WFS1: variants seen among roughly 807,000 people sequenced by gnomAD.
The protein encoded by WFS1 is wolframin ER transmembrane glycoprotein, also known as wolframin.
In WFS1, 90 loss-of-function variants were observed where a neutral mutation model predicts 68.5. The ratio of observed to expected loss-of-function variants is 1.31; its 90% CI spans 1.11 to 1.56. The LOEUF is 1.56. WFS1 is among the 40% of genes most tolerant of loss of function. The pLI is 0.00. For synonymous variants in WFS1, 860 were observed against 540.7 expected, an observed-to-expected ratio of 1.59 and a Z score of -8.19; for missense variants, 1,767 against 1,232.6, an observed-to-expected ratio of 1.43 and a Z score of -6.49.
chr4:6,295,070 G>T lies in WFS1; in HGVS notation c.742G>T (p.Val248Leu). The change falls in exon 7 of 8, where the codon GTG becomes TTG. Residue 248 changes from valine (V) to leucine (L), a missense_variant. Transcript: ENST00000226760. ...SKNYIALDDFVEITKKYAKGV... is the reference protein window; with the variant it reads ...SKNYIALDDFLEITKKYAKGV... ...GAACTACATCGCGCTGGATGACTTT[G>T]TGGAGATCACTAAGAAGTACGCCAA... The T allele has an allele frequency of 6.2e-7, 1 of 1,613,614 alleles. No individual in the cohort carries two copies. Among genetic ancestry groups the T allele is most frequent in the South Asian group, 1.1e-5 (1 of 91,086 alleles).
rs1730560733 is a variant in WFS1, at chr4:6,294,250, T to A, written c.713-791T>A. On this transcript the variant is annotated intron_variant, in intron 6 of 7. Transcript: ENST00000226760. ...CACCATCTCACCACGGCAACTGGGG[T>A]CCTTCAGGGGCCTCATTCCCTCCTA... Among the ~76,000 whole-genome samples, 3 of 151,690 alleles carry A rather than the reference T, an allele frequency of 2.0e-5. No homozygotes were observed. In the South Asian group the frequency reaches 6.2e-4, roughly 32 times the overall value.
At position 6,301,583 on chromosome 4, in the gene WFS1, G is replaced by C. The variant is rs774936836; in HGVS notation, c.1788G>C (p.Lys596Asn). 10 of 1,614,192 alleles carry C rather than the reference G, an allele frequency of 6.2e-6. No homozygotes were observed. In the East Asian group the frequency reaches 1.8e-4, roughly 29 times the overall value. The change falls in exon 8 of 8, where the codon AAG becomes AAC. Residue 596 changes from lysine (K) to asparagine (N), a missense_variant. Lys to Asn is a moderately conservative substitution (Grantham distance 94, BLOSUM62 0). Transcript: ENST00000226760. ...ARWFTSLELT[K>N]IAVTVAVCSV... is the part of the protein sequence containing the mutation. Reference sequence around the variant, plus strand: ...GGTTCACGTCTCTGGAGCTCACCAAGATCGCAGTCACCGTGGCGGTCTGTA... The same window carrying C: ...GGTTCACGTCTCTGGAGCTCACCAACATCGCAGTCACCGTGGCGGTCTGTA...
intron 2 of WFS1, among the ~76,000 whole-genome samples, chr4:6,280,887 T>C (rs1288393131): frequency 6.6e-6 from 1 of 151,508 alleles, no homozygotes; most frequent in South Asian, 2.1e-4. Flanking sequence ...TTCCGAGTCG[T>C]ACCCGCCACT....
Position 6,287,172 on chromosome 4 carries a change from T to G in WFS1, c.312T>G (p.Thr104=). Residue 104 remains threonine, a synonymous_variant, in exon 3 of 8, where the codon ACT becomes ACG. Transcript: ENST00000226760. The surrounding 1 kb of genome is among the most constrained non-coding windows in gnomAD (Gnocchi z 6.4). ...AGGCCGGGGACCCCAAGGCACAGAC[T>G]GAGGTGAGGACTGCGGTGCCGGCAG... ...RAKAGDPKAQ[T]EVGKHYLQLA... is the part of the protein sequence containing the mutation. 1 of 1,557,912 alleles carries G rather than the reference T, an allele frequency of 6.4e-7. No homozygotes were observed. Among genetic ancestry groups the G allele is most frequent in the African/African-American group, 1.4e-5 (1 of 74,034 alleles).
chr4:6,301,065 A>C lies in WFS1; in HGVS notation c.1270A>C (p.Lys424Gln), dbSNP rs536242351. 6.2e-7 allele frequency: 1 copy of C among 1,614,118 alleles called. No individual in the cohort carries two copies. Among genetic ancestry groups the C allele is most frequent in the Non-Finnish European group, 8.5e-7 (1 of 1,180,028 alleles). ...CATCTTCTCCTTCCCCATCGCCAGC[A>C]AGGACTGCATCCCCTGCTCGGAGCT... ...FVIFSFPIASKDCIPCSELAV... is the reference protein window; with the variant it reads ...FVIFSFPIASQDCIPCSELAV... The change falls in exon 8 of 8, where the codon AAG becomes CAG. Residue 424 changes from lysine to glutamine, a missense_variant. By Grantham distance (53) the Lys-to-Gln change is moderately conservative. Transcript: ENST00000226760.
At chr4:6,298,738 G>A (rs1430492990) in intron 7 of WFS1, among the ~76,000 whole-genome samples, 1 of 152,262 alleles carries the variant, frequency 6.6e-6, no homozygotes, top group East Asian at 1.9e-4. Context: ...GTTGTTTCCA[G>A]GTGTCCTGGT....
At position 6,301,857 on chromosome 4, in the gene WFS1, A is replaced by G; in HGVS notation, c.2062A>G (p.Ile688Val). 1 of 1,612,972 alleles carries G rather than the reference A, an allele frequency of 6.2e-7. No homozygotes were observed. The highest frequency in any genetic ancestry group is 8.5e-7 in the Non-Finnish European group (1 of 1,179,862). ...GGAGACCAACATGGCGCGCACCCAG[A>G]TCCTCTGCAGCCACCTGGAGGGCCA... Reference protein sequence around the residue: ...WKETNMARTQILCSHLEGHRV... With the variant: ...WKETNMARTQVLCSHLEGHRV... The change falls in exon 8 of 8, where the codon ATC (isoleucine) becomes GTC (valine). Residue 688 changes from isoleucine to valine, a missense_variant. Coordinates refer to ENST00000226760, the MANE Select transcript of WFS1 (RefSeq NM_006005.3).
At chr4:6,295,601 G>T (rs538997101) in intron 7 of WFS1, among the ~76,000 whole-genome samples, 58 of 152,332 alleles carry the variant, frequency 3.8e-4, no homozygotes, top group African/African-American at 1.3e-3. Context: ...ACAAAGTGCC[G>T]TGTCCGTCAG....
At chr4:6,298,153 C>T (rs1730688548) in intron 7 of WFS1, among the ~76,000 whole-genome samples, 1 of 152,226 alleles carries the variant, frequency 6.6e-6, no homozygotes, top group Non-Finnish European at 1.5e-5. Context: ...CGGGCCAGGC[C>T]ACCTTTAGTT....
At chr4:6,300,545 G>A (rs1430207959) in intron 7 of WFS1, 112 bp from the exon 8 acceptor site, 51 of 1,514,406 alleles carry the variant, frequency 3.4e-5, no homozygotes, top group Non-Finnish European at 4.2e-5. Flanking sequence ...ATGGGAAAAC[G>A]CAAGGGTGCG....
intron 2 of WFS1, 94 bp downstream of exon 2, chr4:6,277,781 G>T (rs1034307531): frequency 4.3e-6 from 6 of 1,381,784 alleles, no homozygotes; most frequent in Non-Finnish European, 5.0e-6. Context: ...CCCCCCGCCA[G>T]GTCCTCTGCA....
At position 6,301,758 on chromosome 4, in the gene WFS1, G is replaced by A; in HGVS notation, c.1963G>A (p.Glu655Lys). The change falls in exon 8 of 8, where the codon GAG becomes AAG. Residue 655 changes from glutamate (E) to lysine (K), a missense_variant. Glu to Lys is a moderately conservative substitution (Grantham distance 56). Coordinates refer to ENST00000226760, the MANE Select transcript of WFS1 (RefSeq NM_006005.3). ...CTGCTGGTTCTATGTGTACCGCTCA[G>A]AGGGCATGAAGGTCTACAACTCCAC... is the stretch of plus-strand genomic sequence containing the variant. The part of the protein sequence containing the change: ...LFCWFYVYRS[E>K]GMKVYNSTLT... 1.9e-6 allele frequency: 3 copies of A among 1,613,830 alleles called. No individual in the cohort carries two copies. Among genetic ancestry groups the A allele is most frequent in the Non-Finnish European group, 2.5e-6 (3 of 1,180,036 alleles).
At chr4:6,296,359 T>C (rs1287823266) in intron 7 of WFS1, among the ~76,000 whole-genome samples, 2 of 152,144 alleles carry the variant, frequency 1.3e-5, no homozygotes, top group African/African-American at 2.4e-5. Flanking sequence ...GCGAGTCCTT[T>C]AGGGTGGCAG....
At position 6,295,326 on chromosome 4, in the gene WFS1, A is replaced by AGGG. The variant is rs144260953; in HGVS notation, c.861+137_861+138insGGG. Reference sequence around the variant, plus strand: ...AGTGTCTTACAGCCGTGCCGCTGGTACCTTTGGGTCATCATCTATCGTCAT... The same window carrying AGGG: ...AGTGTCTTACAGCCGTGCCGCTGGTAGGGCCTTTGGGTCATCATCTATCGTCAT... On this transcript the variant is annotated intron_variant, in intron 7 of 7. Coordinates refer to ENST00000226760, the MANE Select transcript of WFS1 (RefSeq NM_006005.3). 4,228 of 1,035,152 alleles carry AGGG rather than the reference A, an allele frequency of 4.1e-3. 97 individuals carry two copies. In the African/African-American group the frequency reaches 0.058, roughly 14 times the overall value. The allele number at this position is 1,035,152 out of a possible 1,614,324, so 64.1% of individuals were successfully genotyped here. A position where few individuals can be genotyped will look rare whatever the true frequency, so the allele number is the denominator to read the frequency against.
Position 6,286,958 on chromosome 4 carries a change from C to T in WFS1, c.233-135C>T, listed in dbSNP as rs1560407386. ...ATCTTCCCTGTCTGTGTCTGTGTCT[C>T]TCTGTACTCCTGGCCTGGATTTGAA... On this transcript the variant is annotated intron_variant, in intron 2 of 7. Coordinates refer to ENST00000226760, the MANE Select transcript of WFS1 (RefSeq NM_006005.3). 11 of 811,048 alleles carry T rather than the reference C, an allele frequency of 1.4e-5. No homozygotes were observed. In the South Asian group the frequency reaches 1.6e-4, roughly 12 times the overall value. 50.2% of individuals were successfully genotyped at this position (811,048 alleles called of 1,614,324 possible).
rs769393109 is a variant in WFS1, at chr4:6,302,070, C to G, written c.2275C>G (p.Leu759Val). The G allele has an allele frequency of 6.8e-6, 11 of 1,612,768 alleles. No homozygotes were observed. In the Admixed American group the frequency reaches 1.8e-4, roughly 27 times the overall value. Residue 759 changes from leucine to valine, a missense_variant, in exon 8 of 8, where the codon CTG (leucine) becomes GTG (valine). Transcript: ENST00000226760. The stretch of plus-strand genomic sequence containing the variant: ...CGAGGAGGAGCTCTGTCGCCTTAAG[C>G]TGCTGGCCAAGCACCCCTGCCACAT... The part of the protein sequence containing the change: ...TAEEELCRLK[L>V]LAKHPCHIKK...
chr4:6,278,802 G>A (rs944834278), intron 2 of WFS1, among the ~76,000 whole-genome samples: 4 of 152,266 alleles, frequency 2.6e-5, no homozygotes, highest in African/African-American at 9.6e-5. Flanking sequence ...CCTCTGCTTT[G>A]TTTTGGAGGC....
In WFS1 at chr4:6,283,988, A is replaced by G. The variant is rs4688985; in HGVS notation, c.233-3105A>G. ...TGCCTTTGAGCCCACGAAGGCTCCT[A>G]CTTCATGGACTGAGCTAACTGGTCT... is the stretch of plus-strand genomic sequence containing the variant. On this transcript the variant is annotated intron_variant, in intron 2 of 7. Coordinates refer to ENST00000226760, the MANE Select transcript of WFS1 (RefSeq NM_006005.3). This position sits in a 1 kb window ranked among gnomAD's most constrained non-coding sequence, Gnocchi z 5.0. 0.79 allele frequency among the ~76,000 whole-genome samples: 120,565 copies of G among 151,976 alleles called. 48,556 individuals carry two copies. Among genetic ancestry groups the G allele is most frequent in the East Asian group, 1 (5,142 of 5,160 alleles).
rs369498603 is a variant in WFS1, at chr4:6,302,045, C to T, written c.2250C>T (p.Ala750=). Reference sequence around the variant, plus strand: ...GCAGCCCTGGCAACACCTCCACGGCCGAGGAGGAGCTCTGTCGCCTTAAGC... The same window carrying T: ...GCAGCCCTGGCAACACCTCCACGGCTGAGGAGGAGCTCTGTCGCCTTAAGC... ...PACSPGNTST[A]EEELCRLKLL... Residue 750 remains alanine (A), a synonymous_variant, in exon 8 of 8, where the codon GCC becomes GCT. Transcript: ENST00000226760. 2.8e-4 allele frequency: 447 copies of T among 1,612,810 alleles called. No homozygotes were observed. The highest frequency in any genetic ancestry group is 8.2e-4 in the Middle Eastern group (5 of 6,062).
Sources: gnomAD v4.1 joint callset for allele counts (sites outside exome capture counted in the v4.1 genomes callset) on GRCh38, gnomAD v4.1.1 for gene constraint, Gnocchi (gnomAD v3.1) non-coding constraint, MANE v1.5 for transcripts, NCBI Gene and HGNC (gene_info 2026-07-23, HGNC 2026-07-21) for gene names.